The following GRID2 variants were observed in gnomAD, a reference collection of about 807,000 sequenced individuals.
GRID2 encodes the protein glutamate receptor ionotropic, delta-2.
In GRID2, 33 loss-of-function variants were observed where a neutral mutation model predicts 114.8. The observed-to-expected ratio is 0.29, with a 90% CI of 0.22 to 0.38. GRID2 has a LOEUF of 0.38. Among genes scored for constraint, GRID2 ranks in the 10% least tolerant of loss-of-function variants. The probability of loss-of-function intolerance (pLI) is 1.00; values close to 1 mark genes in which losing one functional copy is unlikely to be tolerated. For missense variants in GRID2, 1,184 were observed against 1,257.7 expected (o/e 0.94, Z 0.89); for synonymous variants, 505 against 449.9 (o/e 1.12, Z -1.55).
At chr4:93,800,840 C>T (rs887433412) in intron 1 of GRID2, among the ~76,000 whole-genome samples, 23 of 115,522 alleles carry the variant, frequency 2.0e-4, no homozygotes, top group Non-Finnish European at 4.0e-4. Context: ...ATATAGACAC[C>T]AACGTTAAAA....
chr4:93,425,968 G>A (rs1768804170), intron 10 of GRID2, among the ~76,000 whole-genome samples: 1 of 152,066 alleles, frequency 6.6e-6, no homozygotes, highest in South Asian at 2.1e-4. Flanking sequence ...TTTTTATTCT[G>A]ATAGGGCTAG....
At chr4:92,776,922 GA>G (rs1738831429) in intron 2 of GRID2, among the ~76,000 whole-genome samples, 1 of 151,822 alleles carries the variant, frequency 6.6e-6, no homozygotes, top group East Asian at 1.9e-4. Context: ...GAGAGCCAGG[GA>G]AAAAAATGAT....
At position 92,949,958 on chromosome 4, in the gene GRID2, T is replaced by C. The variant is rs541028782; in HGVS notation, c.245-135037T>C. On this transcript the variant is annotated intron_variant, in intron 2 of 15. Coordinates refer to ENST00000282020, the MANE Select transcript of GRID2 (RefSeq NM_001510.4). ...TCCTCTCAGCTAACCCATTTGTCTT[T>C]AGCTGTTCTCACAGAGGGAATGACA... Among the ~76,000 whole-genome samples, 13 of 152,256 alleles carry C rather than the reference T, an allele frequency of 8.5e-5. No homozygotes were observed. The South Asian group carries it at 2.5e-3, about 29-fold the overall frequency.
At chr4:93,123,116 A>C (rs1254363346) in intron 4 of GRID2, among the ~76,000 whole-genome samples, 1 of 151,848 alleles carries the variant, frequency 6.6e-6, no homozygotes, top group African/African-American at 2.4e-5. Context: ...AATAAAACAG[A>C]CCCAAATTAC....
intron 4 of GRID2, among the ~76,000 whole-genome samples, chr4:93,188,859 A>G (rs1307345856): frequency 1.3e-5 from 2 of 152,162 alleles, no homozygotes; most frequent in Non-Finnish European, 2.9e-5. Flanking sequence ...ACTTAATAAC[A>G]AGAATCACCT....
chr4:92,858,173 C>T (rs72663595), intron 2 of GRID2, among the ~76,000 whole-genome samples: 1,744 of 152,298 alleles, frequency 0.011, 17 homozygotes, highest in Middle Eastern at 0.071. Context: ...TTCATACCTA[C>T]TAACACAACA....
At chr4:92,835,908 C>A (rs1157458394) in intron 2 of GRID2, among the ~76,000 whole-genome samples, 1 of 152,080 alleles carries the variant, frequency 6.6e-6, no homozygotes, top group Non-Finnish European at 1.5e-5. Flanking sequence ...GACAGCAGAT[C>A]ACAGGCTTAA....
Position 93,772,683 on chromosome 4 carries a change from C to G in GRID2, c.*185C>G. On this transcript the variant is annotated 3_prime_UTR_variant, in exon 16 of 16. Coordinates refer to ENST00000282020, the MANE Select transcript of GRID2 (RefSeq NM_001510.4). ...CCTCTATGATTTTCTCTCTTTCCCC[C>G]TCCCTTCCTGTACATTTTCCTCCAC... 1.8e-6 allele frequency: 1 copy of G among 544,292 alleles called. No homozygotes were observed. Among genetic ancestry groups the G allele is most frequent in the Non-Finnish European group, 3.2e-6 (1 of 312,094 alleles). 33.7% of individuals were successfully genotyped at this position (544,292 alleles called of 1,614,324 possible). A position where few individuals can be genotyped will look rare whatever the true frequency, so the allele number is the denominator to read the frequency against.
intron 8 of GRID2, chr4:93,306,130 G>C (rs997460458): frequency 6.6e-6 from 1 of 152,096 alleles, no homozygotes; most frequent in Admixed American, 6.6e-5. Context: ...CTAAAGCACA[G>C]CAGAACAACA....
chr4:93,353,771 T>C (rs1294774008), intron 8 of GRID2, among the ~76,000 whole-genome samples: 1 of 152,002 alleles, frequency 6.6e-6, no homozygotes, highest in Non-Finnish European at 1.5e-5. Flanking sequence ...CTCTGCTACT[T>C]GGGGCTGAGG....
At chr4:92,872,106 T>C (rs533403221) in intron 2 of GRID2, among the ~76,000 whole-genome samples, 65 of 152,304 alleles carry the variant, frequency 4.3e-4, no homozygotes, top group African/African-American at 1.4e-3. Flanking sequence ...TTTAGAATAA[T>C]TTTTATGTTT....
At chr4:93,085,681 C>T (rs1346663525) in intron 3 of GRID2, among the ~76,000 whole-genome samples, 1 of 152,068 alleles carries the variant, frequency 6.6e-6, no homozygotes, top group East Asian at 1.9e-4. Context: ...GAAAATTTAC[C>T]TCTTTCTATT....
chr4:93,152,685 T>C (rs896165793), intron 4 of GRID2, among the ~76,000 whole-genome samples: 1 of 152,118 alleles, frequency 6.6e-6, no homozygotes, highest in African/African-American at 2.4e-5. Flanking sequence ...GATTAAGAAC[T>C]GCTTTGCATG....
intron 7 of GRID2, among the ~76,000 whole-genome samples, chr4:93,229,109 A>C (rs1050227134): frequency 1.3e-5 from 2 of 152,150 alleles, no homozygotes; most frequent in African/African-American, 4.8e-5. Context: ...ACAAATGTTC[A>C]ATTTTATATT....
intron 8 of GRID2, among the ~76,000 whole-genome samples, chr4:93,325,449 G>T (rs1757724256): frequency 6.6e-6 from 1 of 151,830 alleles, no homozygotes; most frequent in Admixed American, 6.6e-5. Flanking sequence ...ATTCTTTCTA[G>T]CTGTACATCT....
At chr4:92,721,112 T>C (rs183426596) in intron 2 of GRID2, among the ~76,000 whole-genome samples, 3 of 152,146 alleles carry the variant, frequency 2.0e-5, no homozygotes, top group Admixed American at 6.6e-5. Context: ...GTCAAATTTA[T>C]AGAGACACGA....
chr4:93,150,143 A>G (rs891495130), intron 4 of GRID2, among the ~76,000 whole-genome samples: 1 of 152,154 alleles, frequency 6.6e-6, no homozygotes, highest in African/African-American at 2.4e-5. Context: ...TCATCTGGTC[A>G]GTTAATGTGA....
At chr4:93,304,975 G>A (rs1050504904) in intron 8 of GRID2, among the ~76,000 whole-genome samples, 10 of 152,194 alleles carry the variant, frequency 6.6e-5, no homozygotes, top group Middle Eastern at 6.8e-3. Flanking sequence ...GTTCTGCTGG[G>A]TTTTTCTTTT....
chr4:92,948,653 C>T (rs1751816661), intron 2 of GRID2, among the ~76,000 whole-genome samples: 1 of 151,688 alleles, frequency 6.6e-6, no homozygotes, highest in Non-Finnish European at 1.5e-5. Flanking sequence ...TGTTATATTG[C>T]CTAGAATAAA....
Sources: allele counts gnomAD v4.1 joint callset (sites outside exome capture counted in the v4.1 genomes callset), GRCh38; gene constraint gnomAD v4.1.1; transcripts MANE v1.5; gene names NCBI Gene and HGNC (gene_info 2026-07-23, HGNC 2026-07-21).